The following FRMD4A variants were observed in gnomAD, a reference collection of about 807,000 sequenced individuals.
The protein encoded by FRMD4A is FERM domain-containing protein 4A.
In FRMD4A, 29 loss-of-function variants were observed where a neutral mutation model predicts 129.1. The ratio of observed to expected loss-of-function variants is 0.22; its 90% CI spans 0.17 to 0.31. The LOEUF is 0.31. Among genes scored for constraint, FRMD4A ranks in the 10% least tolerant of loss-of-function variants. FRMD4A has a pLI of 1.00. For synonymous variants in FRMD4A, 634 were observed against 571.6 expected (o/e 1.11, Z -1.56); for missense variants, 1,272 against 1,375.8 (o/e 0.92, Z 1.19).
chr10:14,047,275 G>T (rs1225405495), intron 2 of FRMD4A, among the ~76,000 whole-genome samples: 1 of 152,160 alleles, frequency 6.6e-6, no homozygotes, highest in African/African-American at 2.4e-5. Context: ...GGTTACGTGG[G>T]TGTGATATTG....
At chr10:14,231,583 T>C (rs913635773) in intron 2 of FRMD4A, among the ~76,000 whole-genome samples, 1 of 152,176 alleles carries the variant, frequency 6.6e-6, no homozygotes, top group Non-Finnish European at 1.5e-5. Context: ...CCTGACCTTT[T>C]GATCCGCCCA....
At chr10:13,933,609 G>A (rs1240524713) in intron 2 of FRMD4A, among the ~76,000 whole-genome samples, 1 of 152,204 alleles carries the variant, frequency 6.6e-6, no homozygotes, top group African/African-American at 2.4e-5. Context: ...GGCATAGTGA[G>A]TGTGTGAACA....
intron 2 of FRMD4A, among the ~76,000 whole-genome samples, chr10:14,156,009 C>G (rs773903414): frequency 5.3e-5 from 8 of 152,158 alleles, no homozygotes; most frequent in Non-Finnish European, 8.8e-5. Flanking sequence ...CTGTACCTCA[C>G]AGCCCAGCAA....
intron 2 of FRMD4A, among the ~76,000 whole-genome samples, chr10:14,029,810 G>GAAAAAAAAAAAAAAAAAA (rs11310080): frequency 6.8e-6 from 1 of 147,768 alleles, no homozygotes. Flanking sequence ...CAGTTTACAT[G>GAAAAAAAAAAAAAAAAAA]AAAAAAAAAA....
intron 3 of FRMD4A, among the ~76,000 whole-genome samples, chr10:13,823,374 C>T (rs1001122985): frequency 6.6e-6 from 1 of 152,156 alleles, no homozygotes; most frequent in Non-Finnish European, 1.5e-5. Context: ...CTCCCCTTGG[C>T]AAGCCTCTCT....
Position 13,769,209 on chromosome 10 carries a change from T to TTGTGTGTGTG in FRMD4A, c.385-6539_385-6530dup, listed in dbSNP as rs10558943. Among the ~76,000 whole-genome samples, 5 of 145,082 alleles carry TTGTGTGTGTG rather than the reference T, an allele frequency of 3.4e-5. No individual in the cohort carries two copies. The East Asian group carries it at 6.0e-4, about 18-fold the overall frequency. On this transcript the variant is annotated intron_variant, in intron 6 of 24. Coordinates refer to ENST00000357447, the MANE Select transcript of FRMD4A (RefSeq NM_018027.5). ...AAGATTTTGTTTTAAAAGAGATGGG[T>TTGTGTGTGTG]TGTGTGTGTGTGTGTGTGTGTGTGT...
intron 7 of FRMD4A, among the ~76,000 whole-genome samples, chr10:13,761,947 G>A (rs935850257): frequency 6.6e-6 from 1 of 152,188 alleles, no homozygotes; most frequent in Non-Finnish European, 1.5e-5. Flanking sequence ...GGTCTGACAT[G>A]TTCTAGATTA....
Position 14,181,314 on chromosome 10 carries a change from TG to T in FRMD4A, c.45+148743del, listed in dbSNP as rs544927638. On this transcript the variant is annotated intron_variant, in intron 2 of 24. Transcript: ENST00000357447. ...TTTTTGTTTTTTTCCTTAAGGTTTGTGGTTTAAGTACTTTTGTCAAGAGGGA... is the reference window on the plus strand; with the variant it reads ...TTTTTGTTTTTTTCCTTAAGGTTTGTGTTTAAGTACTTTTGTCAAGAGGGA... Among the ~76,000 whole-genome samples the T allele has an allele frequency of 3.7e-3, 562 of 152,236 alleles. 17 individuals are homozygous for T. Among genetic ancestry groups the T allele is most frequent in the Admixed American group, 0.031 (481 of 15,288 alleles).
chr10:14,185,621 T>G (rs918422983), intron 2 of FRMD4A, among the ~76,000 whole-genome samples: 1 of 152,172 alleles, frequency 6.6e-6, no homozygotes, highest in Admixed American at 6.5e-5. Context: ...AAAGGGGATA[T>G]ATACTTCATG....
intron 2 of FRMD4A, among the ~76,000 whole-genome samples, chr10:14,075,730 AGT>A (rs1056625332): frequency 1.4e-5 from 2 of 138,452 alleles, no homozygotes; most frequent in Admixed American, 7.8e-5. Flanking sequence ...GTATACATAT[AGT>A]GTGTGTGTAT....
chr10:13,896,099 A>T (rs1262400687), intron 2 of FRMD4A, among the ~76,000 whole-genome samples: 1 of 152,206 alleles, frequency 6.6e-6, no homozygotes, highest in African/African-American at 2.4e-5. Flanking sequence ...ACCATTGTGG[A>T]AGACAGTGTG....
intron 2 of FRMD4A, chr10:13,866,349 C>G: frequency 1.3e-6 from 1 of 750,528 alleles, no homozygotes; most frequent in Non-Finnish European, 1.6e-6. Context: ...CCCTCATGAT[C>G]TGACCTCTGA....
At chr10:14,246,819 T>TAAAC (rs1206594592) in intron 2 of FRMD4A, among the ~76,000 whole-genome samples, 1 of 151,560 alleles carries the variant, frequency 6.6e-6, no homozygotes, top group Non-Finnish European at 1.5e-5. Flanking sequence ...AGTGAGAGAC[T>TAAAC]AAACACAGGA....
At position 14,125,333 on chromosome 10, in the gene FRMD4A, C is replaced by T. The variant is rs902893911; in HGVS notation, c.45+204725G>A. 3.9e-5 allele frequency among the ~76,000 whole-genome samples: 6 copies of T among 152,226 alleles called. No homozygotes were observed. In the East Asian group the frequency reaches 1.2e-3, roughly 29 times the overall value. ...AGATCTGCCAAAATAATTGCAAACC[C>T]ATTAACATGGAAGGGGGTGCGTGTA... On this transcript the variant is annotated intron_variant, in intron 2 of 24. Coordinates refer to ENST00000357447, the MANE Select transcript of FRMD4A (RefSeq NM_018027.5).
chr10:13,700,479 A>AGCCCAGGG (rs925675183), intron 14 of FRMD4A, among the ~76,000 whole-genome samples: 3 of 152,194 alleles, frequency 2.0e-5, no homozygotes, highest in Non-Finnish European at 4.4e-5. Context: ...AGAAACCACT[A>AGCCCAGGG]GCCCAGGGGC....
chr10:13,938,214 TTGTG>T (rs1157210436), intron 2 of FRMD4A, among the ~76,000 whole-genome samples: 2 of 151,696 alleles, frequency 1.3e-5, no homozygotes, highest in Non-Finnish European at 2.9e-5. Context: ...AGCATTCTTG[TTGTG>T]TTTTTTGTTG....
chr10:14,051,165 AT>A (rs971983583), intron 2 of FRMD4A, among the ~76,000 whole-genome samples: 4 of 152,228 alleles, frequency 2.6e-5, no homozygotes, highest in African/African-American at 9.7e-5. Flanking sequence ...AAAATGCAGT[AT>A]CTAGCCTTTC....
At chr10:13,972,652 G>A (rs1035233582) in intron 2 of FRMD4A, among the ~76,000 whole-genome samples, 1 of 152,044 alleles carries the variant, frequency 6.6e-6, no homozygotes, top group African/African-American at 2.4e-5. Context: ...TCAATTAAAC[G>A]TGTCATAACC....
intron 2 of FRMD4A, among the ~76,000 whole-genome samples, chr10:13,889,423 G>A (rs1004391039): frequency 3.3e-5 from 5 of 152,084 alleles, no homozygotes; most frequent in Admixed American, 6.5e-5. Flanking sequence ...CAATAACATC[G>A]AGAGCTGTGC....
Sources: gnomAD v4.1 joint callset for allele counts (sites outside exome capture counted in the v4.1 genomes callset) on GRCh38, gnomAD v4.1.1 for gene constraint, MANE v1.5 for transcripts, NCBI Gene and HGNC (gene_info 2026-07-23, HGNC 2026-07-21) for gene names.